CACNG3: variants seen among roughly 807,000 people sequenced by gnomAD.
The protein encoded by CACNG3 is voltage-dependent calcium channel gamma-3 subunit.
Under a neutral mutation model 28.5 loss-of-function variants are expected in CACNG3, and 3 were observed. The ratio of observed to expected loss-of-function variants is 0.11; its 90% confidence interval spans 0.05 to 0.27. CACNG3 has a LOEUF of 0.27. Ranked by LOEUF, CACNG3 falls within the 10% of genes least tolerant of loss-of-function variation. The probability of loss-of-function intolerance (pLI) is 1.00; values close to 1 mark genes in which losing one functional copy is unlikely to be tolerated. For synonymous variants in CACNG3, 174 were observed against 162.2 expected, an observed-to-expected ratio of 1.07 and a Z score of -0.55; for missense variants, 236 against 414.4, an observed-to-expected ratio of 0.57 and a Z score of 3.74.
intron 1 of CACNG3, among the ~76,000 whole-genome samples, chr16:24,290,934 A>G (rs1401444278): frequency 6.6e-6 from 1 of 152,172 alleles, no homozygotes; most frequent in East Asian, 1.9e-4. Flanking sequence ...ATAATAAAAT[A>G]TAGTGTCTCC....
chr16:24,285,568 A>T (rs1489194532), intron 1 of CACNG3, among the ~76,000 whole-genome samples: 1 of 152,134 alleles, frequency 6.6e-6, no homozygotes, highest in Non-Finnish European at 1.5e-5. Flanking sequence ...ACAATGGCAC[A>T]CACCTCTAGT....
chr16:24,317,016 A>T (rs1479042955), intron 1 of CACNG3, among the ~76,000 whole-genome samples: 1 of 152,202 alleles, frequency 6.6e-6, no homozygotes, highest in Non-Finnish European at 1.5e-5. Context: ...GGACAGAGGC[A>T]TCATGACACC....
At chr16:24,326,317 A>G (rs767120748) in intron 1 of CACNG3, among the ~76,000 whole-genome samples, 32 of 152,018 alleles carry the variant, frequency 2.1e-4, no homozygotes, top group Non-Finnish European at 3.7e-4. Context: ...GATTACAGGC[A>G]TGCGCCAGTA....
chr16:24,297,250 A>G, intron 1 of CACNG3, among the ~76,000 whole-genome samples: 1 of 115,984 alleles, frequency 8.6e-6, no homozygotes, highest in African/African-American at 5.3e-5. Flanking sequence ...CCCATCTCTA[A>G]AAATAAAATA....
At chr16:24,318,768 G>A (rs1567217985) in intron 1 of CACNG3, among the ~76,000 whole-genome samples, 1 of 152,158 alleles carries the variant, frequency 6.6e-6, no homozygotes, top group Non-Finnish European at 1.5e-5. Context: ...TGTTAATGCT[G>A]TTCCTTGAAG....
chr16:24,319,036 G>A (rs908274254), intron 1 of CACNG3, among the ~76,000 whole-genome samples: 1 of 152,172 alleles, frequency 6.6e-6, no homozygotes, highest in African/African-American at 2.4e-5. Flanking sequence ...TATTTTTACA[G>A]TGGCCTTCTA....
chr16:24,349,453 A>G (rs115612849), intron 2 of CACNG3, among the ~76,000 whole-genome samples: 3,969 of 152,274 alleles, frequency 0.026, 66 homozygotes, highest in African/African-American at 0.036. Context: ...CTAGTGTATT[A>G]TAGTTACTTC....
intron 1 of CACNG3, among the ~76,000 whole-genome samples, chr16:24,320,425 C>T (rs1899440528): frequency 6.6e-6 from 1 of 152,196 alleles, no homozygotes; most frequent in African/African-American, 2.4e-5. Flanking sequence ...CCAAATAAGT[C>T]CATGTGATGA....
intron 1 of CACNG3, among the ~76,000 whole-genome samples, chr16:24,281,573 G>A (rs1050867470): frequency 3.9e-5 from 6 of 152,112 alleles, no homozygotes; most frequent in Admixed American, 3.3e-4. Flanking sequence ...AAGTCTCATT[G>A]CATTTTATTG....
chr16:24,316,938 G>A (rs1482288450), intron 1 of CACNG3, among the ~76,000 whole-genome samples: 1 of 152,134 alleles, frequency 6.6e-6, no homozygotes, highest in Admixed American at 6.5e-5. Context: ...TAGTGTCCTC[G>A]CCAGTGAAAT....
chr16:24,332,693 G>A (rs994175791), intron 1 of CACNG3, among the ~76,000 whole-genome samples: 3 of 152,072 alleles, frequency 2.0e-5, no homozygotes, highest in Admixed American at 2.0e-4. Context: ...TGTGCGCAAG[G>A]TTGCACGGAC....
At chr16:24,303,272 T>G (rs1040908414) in intron 1 of CACNG3, among the ~76,000 whole-genome samples, 4 of 152,162 alleles carry the variant, frequency 2.6e-5, no homozygotes, top group African/African-American at 9.7e-5. Flanking sequence ...GGGTCCACAG[T>G]TATTGCATTC....
intron 1 of CACNG3, among the ~76,000 whole-genome samples, chr16:24,314,003 C>T (rs1899313102): frequency 6.6e-6 from 1 of 152,160 alleles, no homozygotes; most frequent in Admixed American, 6.5e-5. Flanking sequence ...CCTCAGCTTC[C>T]CAAAGTGCTG....
intron 1 of CACNG3, among the ~76,000 whole-genome samples, chr16:24,345,795 G>A (rs1899856427): frequency 6.6e-6 from 1 of 152,218 alleles, no homozygotes; most frequent in African/African-American, 2.4e-5. Flanking sequence ...CATAGCGAGG[G>A]AGATGAGCTG....
chr16:24,340,240 A>C (rs1899765871), intron 1 of CACNG3, among the ~76,000 whole-genome samples: 1 of 152,036 alleles, frequency 6.6e-6, no homozygotes, highest in Non-Finnish European at 1.5e-5. Context: ...TCTCTACAAA[A>C]ATATAAAAAC....
intron 1 of CACNG3, among the ~76,000 whole-genome samples, chr16:24,260,752 C>G (rs1476496278): frequency 2.0e-5 from 3 of 152,218 alleles, no homozygotes; most frequent in Non-Finnish European, 4.4e-5. Context: ...CAGCAAAGGA[C>G]ACGCTTTGCA....
chr16:24,348,945 G>A (rs1032992546), intron 2 of CACNG3, among the ~76,000 whole-genome samples: 1 of 152,094 alleles, frequency 6.6e-6, no homozygotes, highest in African/African-American at 2.4e-5. Flanking sequence ...TTTCTCGTCT[G>A]GGAAGATGTC....
chr16:24,280,844 A>AAAAAAAAAAC (rs1414360076), intron 1 of CACNG3, among the ~76,000 whole-genome samples: 2 of 151,064 alleles, frequency 1.3e-5, no homozygotes, highest in African/African-American at 2.4e-5. Flanking sequence ...AAAAAAAAAA[A>AAAAAAAAAAC]AGACCAGACC....
chr16:24,320,453 G>A (rs896642381), intron 1 of CACNG3, among the ~76,000 whole-genome samples: 1 of 152,186 alleles, frequency 6.6e-6, no homozygotes, highest in Non-Finnish European at 1.5e-5. Flanking sequence ...GTTTGCTGCT[G>A]TATAAAATCC....
Sources: allele counts gnomAD v4.1 joint callset (sites outside exome capture counted in the v4.1 genomes callset), GRCh38; gene constraint gnomAD v4.1.1; transcripts MANE v1.5; gene names NCBI Gene and HGNC (gene_info 2026-07-23, HGNC 2026-07-21).